The following CACNA1C variants were observed in gnomAD, a reference collection of about 807,000 sequenced individuals.
CACNA1C encodes voltage-dependent L-type calcium channel subunit alpha-1C.
A neutral mutation model predicts 229.0 loss-of-function variants in CACNA1C; 30 were observed. That is an observed-to-expected ratio of 0.13 (90% confidence interval 0.10 to 0.18). The LOEUF is 0.18. Ranked by LOEUF, CACNA1C falls within the 10% of genes least tolerant of loss-of-function variation. The pLI, the probability that CACNA1C is intolerant of heterozygous loss-of-function variation, is 1.00. For synonymous variants in CACNA1C, 1,114 were observed against 1,132.5 expected (o/e 0.98, Z 0.33); for missense variants, 1,658 against 2,845.0 (o/e 0.58, Z 9.49).
chr12:2,603,975 C>T (rs1208386114), intron 22 of CACNA1C, among the ~76,000 whole-genome samples: 1 of 152,136 alleles, frequency 6.6e-6, no homozygotes, highest in Non-Finnish European at 1.5e-5. Context: ...GTGGGGAACC[C>T]AGCAAGGCCT....
At chr12:2,498,515 A>G (rs1421271345) in intron 7 of CACNA1C, among the ~76,000 whole-genome samples, 1 of 152,182 alleles carries the variant, frequency 6.6e-6, no homozygotes, top group Non-Finnish European at 1.5e-5. Context: ...TGATTCTGTA[A>G]TTTAATTTAG....
At chr12:2,513,857 C>T (rs576991629) in intron 9 of CACNA1C, among the ~76,000 whole-genome samples, 1 of 152,280 alleles carries the variant, frequency 6.6e-6, no homozygotes, top group African/African-American at 2.4e-5. Context: ...GACAACTCCC[C>T]CAGGTGATCA....
At chr12:2,436,691 G>A (rs2099138196) in intron 3 of CACNA1C, among the ~76,000 whole-genome samples, 1 of 152,202 alleles carries the variant, frequency 6.6e-6, no homozygotes, top group South Asian at 2.1e-4. Flanking sequence ...GCTGATAAGG[G>A]GTGGAAGCAC....
chr12:2,670,332 T>G (rs1163504856), intron 38 of CACNA1C, among the ~76,000 whole-genome samples: 1 of 152,198 alleles, frequency 6.6e-6, no homozygotes, highest in Non-Finnish European at 1.5e-5. Context: ...TCCGAGTCCC[T>G]GCTCTCTCAC....
chr12:2,372,576 T>G (rs2097900201), intron 3 of CACNA1C, among the ~76,000 whole-genome samples: 1 of 152,094 alleles, frequency 6.6e-6, no homozygotes, highest in Admixed American at 6.5e-5. Context: ...CTGCCTGCCT[T>G]TCATCCTCCA....
At chr12:2,342,047 T>A (rs2096880539) in intron 3 of CACNA1C, among the ~76,000 whole-genome samples, 2 of 152,230 alleles carry the variant, frequency 1.3e-5, no homozygotes, top group Non-Finnish European at 1.5e-5. Context: ...CCCAGTCATT[T>A]GTTAGGAAAT....
intron 7 of CACNA1C, among the ~76,000 whole-genome samples, chr12:2,494,909 A>T (rs2099743606): frequency 6.6e-6 from 1 of 152,174 alleles, no homozygotes; most frequent in Admixed American, 6.5e-5. Context: ...CTTGCCTGCC[A>T]GGGGTGCTCC....
intron 3 of CACNA1C, among the ~76,000 whole-genome samples, chr12:2,182,132 A>C (rs1421354527): frequency 6.1e-5 from 2 of 32,536 alleles, no homozygotes; most frequent in East Asian, 1.1e-3. Context: ...TTCTGTCTGC[A>C]AAAAAAAAAA....
chr12:2,659,315 ATACT>A (rs2095585567), intron 34 of CACNA1C, among the ~76,000 whole-genome samples: 2 of 152,212 alleles, frequency 1.3e-5, no homozygotes, highest in Admixed American at 6.5e-5. Context: ...AGATACACAA[ATACT>A]TACCATTGTG....
intron 3 of CACNA1C, among the ~76,000 whole-genome samples, chr12:2,157,763 G>T (rs1214104711): frequency 6.6e-6 from 1 of 152,094 alleles, no homozygotes; most frequent in African/African-American, 2.4e-5. Context: ...TCTTAGGAAG[G>T]CCTTGAAAAT....
intron 3 of CACNA1C, among the ~76,000 whole-genome samples, chr12:2,216,862 A>T (rs1037638109): frequency 1.3e-5 from 2 of 152,206 alleles, no homozygotes; most frequent in African/African-American, 4.8e-5. Flanking sequence ...AGACCAATAG[A>T]AAGCATATCC....
At chr12:2,356,073 T>A (rs1001696976) in intron 3 of CACNA1C, among the ~76,000 whole-genome samples, 1 of 152,206 alleles carries the variant, frequency 6.6e-6, no homozygotes. Flanking sequence ...TTAAATGGAA[T>A]CAAATCGAAT....
Position 2,575,906 on chromosome 12 carries a change from A to C in CACNA1C, c.1896-5684A>C, listed in dbSNP as rs1334562290. On this transcript the variant is annotated intron_variant, in intron 13 of 46. Coordinates refer to ENST00000399655, the MANE Select transcript of CACNA1C (RefSeq NM_000719.7). The surrounding 1 kb of genome is among the most constrained non-coding windows in gnomAD (Gnocchi z 4.0). Reference sequence around the variant, plus strand: ...GTTCAAGGAAGGCTCGGGTCACTTTATATTATAGAAGAGGAGGAAGAATTC... The same window carrying C: ...GTTCAAGGAAGGCTCGGGTCACTTTCTATTATAGAAGAGGAGGAAGAATTC... Among the ~76,000 whole-genome samples, 1 of 152,194 alleles carries C rather than the reference A, an allele frequency of 6.6e-6. No individual in the cohort carries two copies. The highest frequency in any genetic ancestry group is 1.5e-5 in the Non-Finnish European group (1 of 68,032).
chr12:2,577,931 C>G (rs543990779), intron 13 of CACNA1C, among the ~76,000 whole-genome samples: 19 of 150,242 alleles, frequency 1.3e-4, no homozygotes, highest in Admixed American at 3.3e-4. Context: ...TGCAGTGGCG[C>G]GATCTCGGCT....
intron 1 of CACNA1C, among the ~76,000 whole-genome samples, chr12:2,082,318 G>A (rs941753625): frequency 6.6e-6 from 1 of 152,098 alleles, no homozygotes; most frequent in Non-Finnish European, 1.5e-5. Flanking sequence ...TTAATGCCCC[G>A]CTTTTCCCCT....
rs146374827 is a variant in CACNA1C at position 2,023,927 on chromosome 12, G to A, written c.139+52726G>A. Among the ~76,000 whole-genome samples the A allele has an allele frequency of 1.0e-3, 155 of 152,300 alleles. 1 individual carries two copies. The highest frequency in any genetic ancestry group is 3.6e-3 in the African/African-American group (150 of 41,562). Reference sequence around the variant, plus strand: ...GTGGCAGTAAGATATCTTGAAAAGAGCACTGCACCGGGAGTCAGGAAACCT... The same window carrying A: ...GTGGCAGTAAGATATCTTGAAAAGAACACTGCACCGGGAGTCAGGAAACCT... On this transcript the variant is annotated intron_variant, in intron 1 of 46. Coordinates refer to the CACNA1C transcript ENST00000682462.
chr12:2,071,709 G>C (rs1328654534), intron 1 of CACNA1C, among the ~76,000 whole-genome samples: 1 of 152,070 alleles, frequency 6.6e-6, no homozygotes, highest in East Asian at 1.9e-4. Context: ...TTGCTTTCCA[G>C]TTCACCAGTT....
intron 1 of CACNA1C, among the ~76,000 whole-genome samples, chr12:1,983,005 G>A (rs1018174885): frequency 6.6e-6 from 1 of 151,780 alleles, no homozygotes; most frequent in Non-Finnish European, 1.5e-5. Flanking sequence ...CTGATGATTT[G>A]TATTTCTCAG....
intron 3 of CACNA1C, among the ~76,000 whole-genome samples, chr12:2,395,669 T>G (rs1220509252): frequency 6.6e-6 from 1 of 152,186 alleles, no homozygotes; most frequent in East Asian, 1.9e-4. Context: ...AAACCAGATT[T>G]TCCAGGCTAG....
Sources: allele counts gnomAD v4.1 joint callset (sites outside exome capture counted in the v4.1 genomes callset), GRCh38; gene constraint gnomAD v4.1.1; non-coding constraint Gnocchi (gnomAD v3.1); transcripts MANE v1.5; gene names NCBI Gene and HGNC (gene_info 2026-07-23, HGNC 2026-07-21).